Variants in ARHGAP22 observed in about 807,000 individuals in gnomAD.
ARHGAP22 encodes the protein Rho GTPase activating protein 22.
In ARHGAP22, 48 loss-of-function variants were observed where a neutral mutation model predicts 59.1. That is an observed-to-expected ratio of 0.81 (90% CI 0.64 to 1.03). The LOEUF is 1.03. ARHGAP22 is among the 50% of genes least tolerant of loss of function. The pLI, the probability that ARHGAP22 is intolerant of heterozygous loss-of-function variation, is 0.00. For missense variants in ARHGAP22, 1,015 were observed against 958.7 expected (o/e 1.06, Z -0.78); for synonymous variants, 445 against 416.4 (o/e 1.07, Z -0.84).
At chr10:48,602,932 G>T (rs7915707) in intron 1 of ARHGAP22, among the ~76,000 whole-genome samples, 67,239 of 152,070 alleles carry the variant, frequency 0.44, 15,426 homozygotes, top group East Asian at 0.68. Context: ...TAAGGTGTGT[G>T]TGTATGTTTG....
chr10:48,539,399 C>T (rs1341099440), intron 3 of ARHGAP22, among the ~76,000 whole-genome samples: 1 of 149,140 alleles, frequency 6.7e-6, no homozygotes, highest in Non-Finnish European at 1.5e-5. Flanking sequence ...TCACGCCATT[C>T]TCCTGCCTCA....
At chr10:48,567,807 C>T (rs553295396) in intron 2 of ARHGAP22, among the ~76,000 whole-genome samples, 2 of 151,644 alleles carry the variant, frequency 1.3e-5, no homozygotes, top group East Asian at 1.9e-4. Context: ...TCTGGCCCAC[C>T]ACAGACATTA....
the ARHGAP22 span, chr10:48,437,380 TA>T: frequency 1.3e-5 from 2 of 152,194 alleles, no homozygotes; most frequent in African/African-American, 4.8e-5. Flanking sequence ...AAGTTACAAA[TA>T]ACATTTCTAT....
At position 48,511,636 on chromosome 10, in the gene ARHGAP22, A is replaced by T. The variant is rs1007839650; in HGVS notation, c.323-31872T>A. 4.6e-5 allele frequency: 7 copies of T among 152,152 alleles called. 1 individual carries two copies. Among genetic ancestry groups the T allele is most frequent in the Admixed American group, 3.9e-4 (6 of 15,260 alleles). The allele number at this position is 152,152 out of a possible 1,614,324, so 9.4% of individuals were successfully genotyped here. A position where few individuals can be genotyped will look rare whatever the true frequency, so the allele number is the denominator to read the frequency against. On this transcript the variant is annotated intron_variant, in intron 3 of 9. Coordinates refer to ENST00000249601, the MANE Select transcript of ARHGAP22 (RefSeq NM_021226.4). ...CAACAATGGCTCCATAGGGCCCAGG[A>T]CTCATCATAACAAAGTGGCCCGTAA...
At chr10:48,483,028 T>C (rs562359424) in intron 3 of ARHGAP22, among the ~76,000 whole-genome samples, 25 of 152,234 alleles carry the variant, frequency 1.6e-4, no homozygotes, top group Admixed American at 1.0e-3. Context: ...AGTGAGAACA[T>C]GCAATATTTG....
At chr10:48,570,068 A>T (rs1407134453) in intron 2 of ARHGAP22, among the ~76,000 whole-genome samples, 1 of 152,262 alleles carries the variant, frequency 6.6e-6, no homozygotes, top group East Asian at 1.9e-4. Flanking sequence ...AATGGTTTTA[A>T]CTAAATATTG....
chr10:48,475,702 G>A (rs1225044357), intron 4 of ARHGAP22, among the ~76,000 whole-genome samples: 1 of 152,140 alleles, frequency 6.6e-6, no homozygotes, highest in Non-Finnish European at 1.5e-5. Flanking sequence ...ACTGGGCCAG[G>A]CCACCCTCAC....
chr10:48,603,679 G>T (rs1564983037), intron 1 of ARHGAP22, among the ~76,000 whole-genome samples: 2 of 152,286 alleles, frequency 1.3e-5, no homozygotes, highest in East Asian at 3.9e-4. Flanking sequence ...GCAGAGCCAT[G>T]CAAGTTCCTC....
At chr10:48,576,914 C>A (rs1174587186) in intron 2 of ARHGAP22, among the ~76,000 whole-genome samples, 1 of 149,254 alleles carries the variant, frequency 6.7e-6, no homozygotes, top group Non-Finnish European at 1.5e-5. Flanking sequence ...CCTCCCCACA[C>A]CGCCACCCAC....
At chr10:48,544,765 C>T (rs1256277467) in intron 3 of ARHGAP22, among the ~76,000 whole-genome samples, 2 of 152,162 alleles carry the variant, frequency 1.3e-5, no homozygotes, top group African/African-American at 2.4e-5. Context: ...GCTCGCAACA[C>T]AAATAAATGG....
intron 3 of ARHGAP22, among the ~76,000 whole-genome samples, chr10:48,492,285 A>AT (rs1405928196): frequency 6.6e-6 from 1 of 152,118 alleles, no homozygotes; most frequent in African/African-American, 2.4e-5. Context: ...TTAAAAAAAT[A>AT]TTTTTTAAAA....
upstream of ARHGAP22, among the ~76,000 whole-genome samples, chr10:48,654,314 C>T (rs539322173): frequency 2.6e-4 from 39 of 152,332 alleles, no homozygotes; most frequent in African/African-American, 7.0e-4. Flanking sequence ...CTCTTTCTTT[C>T]ATGACCAACA....
chr10:48,506,594 T>C (rs1310060469), intron 3 of ARHGAP22, among the ~76,000 whole-genome samples: 1 of 152,186 alleles, frequency 6.6e-6, no homozygotes, highest in Non-Finnish European at 1.5e-5. Context: ...TTGCTAGTGC[T>C]AGGATAGAAG....
chr10:48,517,153 A>G (rs1377463653), intron 3 of ARHGAP22, among the ~76,000 whole-genome samples: 2 of 152,188 alleles, frequency 1.3e-5, no homozygotes, highest in African/African-American at 2.4e-5. Context: ...ATGTTCTAAA[A>G]TTAGATTTTG....
the ARHGAP22 span, chr10:48,436,274 A>T: frequency 6.6e-5 from 10 of 152,156 alleles, no homozygotes; most frequent in African/African-American, 2.4e-4. Context: ...ATTTTTTTAT[A>T]CCTGATTTTC....
At chr10:48,538,653 C>A (rs1173844231) in intron 3 of ARHGAP22, among the ~76,000 whole-genome samples, 1 of 152,166 alleles carries the variant, frequency 6.6e-6, no homozygotes, top group Non-Finnish European at 1.5e-5. Context: ...AAAATTAGAA[C>A]CATTTACACC....
In ARHGAP22 at chr10:48,459,653, G is replaced by A. The variant is rs180738000; in HGVS notation, c.659+31C>T. 1.9e-4 allele frequency: 307 copies of A among 1,611,440 alleles called. 2 individuals carry two copies. In the African/African-American group the frequency reaches 3.6e-3, roughly 19 times the overall value. On this transcript the variant is annotated intron_variant, in intron 5 of 9. Coordinates refer to ENST00000249601, the MANE Select transcript of ARHGAP22 (RefSeq NM_021226.4). ...GCCCCTGCAGGAGGAATGGACAAAT[G>A]GCTCCACCTTACCCCCGATCACAAG...
intron 3 of ARHGAP22, among the ~76,000 whole-genome samples, chr10:48,532,213 G>T (rs58368894): frequency 0.011 from 1,723 of 152,180 alleles, 36 homozygotes; most frequent in African/African-American, 0.039. Context: ...GTGGGTAGAG[G>T]GTAGAGCCTG....
chr10:48,633,748 C>T (rs537864440), intron 1 of ARHGAP22, among the ~76,000 whole-genome samples: 3 of 152,260 alleles, frequency 2.0e-5, no homozygotes, highest in Admixed American at 1.3e-4. Context: ...GGACTTTCCA[C>T]AAGAAAATCC....
Sources: allele counts gnomAD v4.1 joint callset (sites outside exome capture counted in the v4.1 genomes callset), GRCh38; gene constraint gnomAD v4.1.1; transcripts MANE v1.5; gene names NCBI Gene and HGNC (gene_info 2026-07-23, HGNC 2026-07-21).